ARRDC2: variants seen among roughly 807,000 people sequenced by gnomAD.
ARRDC2 encodes arrestin domain containing 2.
In ARRDC2, 39 loss-of-function variants were observed where a neutral mutation model predicts 38.9. That is an observed-to-expected ratio of 1.00 (90% CI 0.78 to 1.31). ARRDC2 has a LOEUF of 1.31. Among genes scored for constraint, ARRDC2 ranks in the 50% most tolerant of loss-of-function variants. The pLI is 0.00. For synonymous variants in ARRDC2, 300 were observed against 261.9 expected (o/e 1.15, Z -1.41); for missense variants, 553 against 588.4 (o/e 0.94, Z 0.62).
At position 18,008,202 on chromosome 19, in the gene ARRDC2, G is replaced by C. The variant is rs1484530583; in HGVS notation, c.-109G>C. On this transcript the variant is annotated 5_prime_UTR_variant, in exon 1 of 8. Coordinates refer to ENST00000222250, the MANE Select transcript of ARRDC2 (RefSeq NM_015683.2). ...TGCTCCGGTTGGTGAGCGCGCCTGC[G>C]CGTTGACGGCGATTTTGCGTTCTGA... is the stretch of plus-strand genomic sequence containing the variant. 6.8e-7 allele frequency: 1 copy of C among 1,477,708 alleles called. No homozygotes were observed. Among genetic ancestry groups the C allele is most frequent in the East Asian group, 2.9e-5 (1 of 34,766 alleles). The allele number at this position is 1,477,708 out of a possible 1,614,324, so 91.5% of individuals were successfully genotyped here.
upstream of ARRDC2, chr19:18,008,133 C>CCCCCCCCCGAAAAAA: frequency 7.7e-7 from 1 of 1,290,784 alleles, no homozygotes; most frequent in Non-Finnish European, 1.0e-6. Context: ...CCCCCCCCGC[C>CCCCCCCCCGAAAAAA]CTGCCGTATA....
rs529881975 is a variant in ARRDC2, at chr19:18,013,163, C to T, written c.*197C>T. 37 of 595,230 alleles carry T rather than the reference C, an allele frequency of 6.2e-5. No individual in the cohort carries two copies. In the Middle Eastern group the frequency reaches 1.3e-3, roughly 22 times the overall value. 36.9% of individuals were successfully genotyped at this position (595,230 alleles called of 1,614,324 possible). A position where few individuals can be genotyped will look rare whatever the true frequency, so the allele number is the denominator to read the frequency against. On this transcript the variant is annotated 3_prime_UTR_variant, in exon 8 of 8. Coordinates refer to ENST00000222250, the MANE Select transcript of ARRDC2 (RefSeq NM_015683.2). ...CGGCTGGAATCTGACTTACCTGGAC[C>T]GCTGTCCTTGTGAGGCATTGAATGC...
intron 7 of ARRDC2, among the ~76,000 whole-genome samples, chr19:18,011,061 C>T (rs965611878): frequency 2.6e-5 from 4 of 152,118 alleles, no homozygotes; most frequent in African/African-American, 4.8e-5. Context: ...TGCAATGGTG[C>T]GATCTCAGCT....
chr19:18,002,864 A>T (rs912556011), intron 1 of ARRDC2, among the ~76,000 whole-genome samples: 1 of 152,134 alleles, frequency 6.6e-6, no homozygotes, highest in Non-Finnish European at 1.5e-5. Context: ...GCACTTTGGG[A>T]GGCTGAGGCG....
chr19:18,009,160 G>C, intron 3 of ARRDC2, 42 bp downstream of exon 3: 1 of 1,604,648 alleles, frequency 6.2e-7, no homozygotes, highest in African/African-American at 1.3e-5. Context: ...GAGTATTGTA[G>C]GAAGGGGCCT....
upstream of ARRDC2, chr19:18,001,129 G>C: frequency 1.9e-6 from 1 of 526,594 alleles, no homozygotes; most frequent in Non-Finnish European, 2.6e-6. Flanking sequence ...CGGATGCAGA[G>C]GACCAGGAAG....
In ARRDC2 at chr19:18,014,092, T is replaced by C. The variant is rs1292324457; in HGVS notation, c.*1126T>C. 6.6e-6 allele frequency: 1 copy of C among 152,082 alleles called. No individual in the cohort carries two copies. Among genetic ancestry groups the C allele is most frequent in the Non-Finnish European group, 1.5e-5 (1 of 68,010 alleles). 9.4% of individuals were successfully genotyped at this position (152,082 alleles called of 1,614,324 possible). ...CAATTATTTTTTAAAAGTAAACGTG[T>C]GGAGAAAGAATCCGGGCTTCTTGGT... On this transcript the variant is annotated 3_prime_UTR_variant, in exon 8 of 8. Coordinates refer to ENST00000222250, the MANE Select transcript of ARRDC2 (RefSeq NM_015683.2).
upstream of ARRDC2, among the ~76,000 whole-genome samples, chr19:18,005,306 G>A (rs1033702136): frequency 2.4e-4 from 36 of 152,066 alleles, no homozygotes; most frequent in African/African-American, 8.2e-4. Flanking sequence ...CAGGGTTGGG[G>A]GTAGGGTCAC....
chr19:18,007,393 A>T (rs2033301189), upstream of ARRDC2: 2 of 152,278 alleles, frequency 1.3e-5, no homozygotes, highest in Admixed American at 6.5e-5. Context: ...CAGAGGCTGA[A>T]AATTGGGAAG....
intron 7 of ARRDC2, among the ~76,000 whole-genome samples, chr19:18,011,950 A>T (rs371214543): frequency 4.4e-3 from 251 of 56,568 alleles, no homozygotes; most frequent in African/African-American, 0.012. Context: ...ATATATATAT[A>T]TATTTTTTTT....
chr19:18,011,340 C>T (rs1428882028), intron 7 of ARRDC2, among the ~76,000 whole-genome samples: 1 of 151,966 alleles, frequency 6.6e-6, no homozygotes, highest in Non-Finnish European at 1.5e-5. Context: ...CTGTGTTGCC[C>T]AGGCTGGTCT....
intron 3 of ARRDC2, 162 bp from the exon 4 acceptor site, chr19:18,009,430 G>A (rs1035584999): frequency 3.0e-5 from 20 of 675,938 alleles, no homozygotes; most frequent in Non-Finnish European, 5.0e-5. Flanking sequence ...TTATAAGATG[G>A]GTTGTGTTCC....
At position 18,013,098 on chromosome 19, in the gene ARRDC2, C is replaced by T. The variant is rs922039192; in HGVS notation, c.*132C>T. The T allele has an allele frequency of 1.4e-5, 13 of 946,648 alleles. No individual in the cohort carries two copies. Among genetic ancestry groups the T allele is most frequent in the African/African-American group, 3.3e-5 (2 of 60,192 alleles). 58.6% of individuals were successfully genotyped at this position (946,648 alleles called of 1,614,324 possible). ...TGGGGAACCAAGTCTCAGAGTGAGG[C>T]GGGGGCCTTTCGGATATCACATGGG... On this transcript the variant is annotated 3_prime_UTR_variant, in exon 8 of 8. Transcript: ENST00000222250.
At position 18,008,204 on chromosome 19, in the gene ARRDC2, G is replaced by C. The variant is rs537253319; in HGVS notation, c.-107G>C. 6.8e-7 allele frequency: 1 copy of C among 1,478,482 alleles called. No individual in the cohort carries two copies. The highest frequency in any genetic ancestry group is 1.5e-5 in the African/African-American group (1 of 66,794). The allele number at this position is 1,478,482 out of a possible 1,614,324, so 91.6% of individuals were successfully genotyped here. The stretch of plus-strand genomic sequence containing the variant: ...CTCCGGTTGGTGAGCGCGCCTGCGC[G>C]TTGACGGCGATTTTGCGTTCTGAGG... On this transcript the variant is annotated 5_prime_UTR_variant, in exon 1 of 8. Transcript: ENST00000222250.
chr19:18,002,899 T>A (rs2033206210), intron 1 of ARRDC2, among the ~76,000 whole-genome samples: 1 of 152,058 alleles, frequency 6.6e-6, no homozygotes, highest in East Asian at 1.9e-4. Context: ...GGTCAGGAGT[T>A]CGAGACCAGC....
At position 18,010,260 on chromosome 19, in the gene ARRDC2, T is replaced by C; in HGVS notation, c.914T>C (p.Ile305Thr). 1.9e-6 allele frequency: 3 copies of C among 1,613,914 alleles called. No homozygotes were observed. The highest frequency in any genetic ancestry group is 2.5e-6 in the Non-Finnish European group (3 of 1,180,008). ...LLELPLVIGT[I>T]PLHPFGSRSS... ...GAGCTGCCACTGGTGATCGGCACCA[T>C]TCCCTTGCACCCTTTTGGCAGCCGT... Residue 305 changes from isoleucine to threonine, a missense_variant, in exon 6 of 8, where the codon ATT (isoleucine) becomes ACT (threonine). Physicochemically the swap from Ile to Thr is moderately conservative, Grantham distance 89. This residue lies in a region of ARRDC2 where 447 missense variants were observed against 456.6 expected (regional missense o/e 0.98). Transcript: ENST00000222250.
Position 18,009,027 on chromosome 19 carries a change from C to T in ARRDC2, c.398C>T (p.Ala133Val). Residue 133 changes from alanine (A) to valine (V), a missense_variant, in exon 3 of 8, where the codon GCC becomes GTC. Ala to Val is a moderately conservative substitution (Grantham distance 64). Around this residue, in one of 3 missense-constraint regions of ARRDC2, gnomAD observed 447 missense variants for 456.6 expected, o/e 0.98. Transcript: ENST00000222250. Reference protein sequence around the residue: ...KHGSVRYCIKATLHRPWVPAR... With the variant: ...KHGSVRYCIKVTLHRPWVPAR... ...GGTAGTGTCCGCTACTGTATCAAGG[C>T]CACCCTGCACCGGCCCTGGGTCCCA... 1.9e-6 allele frequency: 3 copies of T among 1,613,688 alleles called. No homozygotes were observed. The highest frequency in any genetic ancestry group is 2.5e-6 in the Non-Finnish European group (3 of 1,180,000).
intron 3 of ARRDC2, 118 bp from the exon 4 acceptor site, chr19:18,009,473 TA>T: frequency 3.3e-6 from 3 of 918,802 alleles, no homozygotes; most frequent in Non-Finnish European, 5.0e-6. Flanking sequence ...CCTGGATTGT[TA>T]AAAAGAAACC....
rs1470405654 is a variant in ARRDC2, at chr19:18,008,460, C to T, written c.150C>T (p.Arg50=). The T allele has an allele frequency of 6.5e-7, 1 of 1,530,912 alleles. No homozygotes were observed. The highest frequency in any genetic ancestry group is 8.7e-7 in the Non-Finnish European group (1 of 1,145,942). 94.8% of individuals were successfully genotyped at this position (1,530,912 alleles called of 1,614,324 possible). The change falls in exon 1 of 8, where the codon CGC becomes CGT. Residue 50 remains arginine, a synonymous_variant. Coordinates refer to ENST00000222250, the MANE Select transcript of ARRDC2 (RefSeq NM_015683.2). ...CGCGTGTGGGTGCCCTGAGGCTGCG[C>T]GCGCGGGGCCGCGCCCACGTGCACT... ...SAARVGALRL[R]ARGRAHVHWT...
Sources: allele counts gnomAD v4.1 joint callset (sites outside exome capture counted in the v4.1 genomes callset), GRCh38; gene constraint gnomAD v4.1.1; regional missense constraint gnomAD v4.1.1; transcripts MANE v1.5; gene names NCBI Gene and HGNC (gene_info 2026-07-23, HGNC 2026-07-21).